The following CNOT3 variants were observed in gnomAD, a reference collection of about 807,000 sequenced individuals.
CNOT3 encodes the protein CCR4-NOT transcription complex subunit 3, also known as CCR4-associated factor 3.
A neutral mutation model predicts 89.4 loss-of-function variants in CNOT3; 2 were observed. That is an observed-to-expected ratio of 0.02 (90% CI 0.01 to 0.07). The LOEUF (loss-of-function observed/expected upper bound fraction) is 0.07. CNOT3 is among the 10% of genes least tolerant of loss of function. CNOT3 has a pLI of 1.00. For synonymous variants in CNOT3, 486 were observed against 402.0 expected, an observed-to-expected ratio of 1.21 and a Z score of -2.50; for missense variants, 664 against 1,010.2, an observed-to-expected ratio of 0.66 and a Z score of 4.65.
intron 13 of CNOT3, 43 bp downstream of exon 13, chr19:54,149,801 T>C: frequency 6.5e-7 from 1 of 1,531,478 alleles, no homozygotes; most frequent in East Asian, 2.5e-5. Context: ...GTCCTGACTC[T>C]GTTGTTTCTT....
intron 13 of CNOT3, 104 bp downstream of exon 13, chr19:54,149,862 C>CAT: frequency 8.5e-7 from 1 of 1,182,832 alleles, no homozygotes; most frequent in Non-Finnish European, 1.2e-6. Context: ...TTCTGGATCT[C>CAT]TCTCTGGCTT....
intron 13 of CNOT3, among the ~76,000 whole-genome samples, chr19:54,150,235 C>T (rs1010222975): frequency 8.1e-5 from 12 of 148,824 alleles, no homozygotes; most frequent in Non-Finnish European, 1.2e-4. Context: ...GGCATCTGAC[C>T]TGACCTGGGA....
At position 54,148,860 on chromosome 19, in the gene CNOT3, G is replaced by A; in HGVS notation, c.1406+117G>A. On this transcript the variant is annotated intron_variant, in intron 12 of 17. Coordinates refer to ENST00000221232, the MANE Select transcript of CNOT3 (RefSeq NM_014516.4). This position sits in a 1 kb window ranked among gnomAD's most constrained non-coding sequence, Gnocchi z 6.3. ...CCCCCCGCCCTTGCTGCTGGGAATG[G>A]CCAAGCGCTATCCTCCATCTCCCTC... 4.6e-6 allele frequency: 4 copies of A among 861,144 alleles called. No homozygotes were observed. Among genetic ancestry groups the A allele is most frequent in the East Asian group, 5.4e-5 (2 of 37,226 alleles). 53.3% of individuals were successfully genotyped at this position (861,144 alleles called of 1,614,324 possible).
In CNOT3 at chr19:54,146,450, C is replaced by T. The variant is rs587634369; in HGVS notation, c.838-151C>T. On this transcript the variant is annotated intron_variant, in intron 9 of 17. Coordinates refer to ENST00000221232, the MANE Select transcript of CNOT3 (RefSeq NM_014516.4). ...TGGAGAGCCTGAATTGAGATGGTTT[C>T]TCCAGGCAGATTAAGGACAGCCATT... 42 of 691,122 alleles carry T rather than the reference C, an allele frequency of 6.1e-5. No individual in the cohort carries two copies. In the African/African-American group the frequency reaches 6.2e-4, roughly 10 times the overall value. 42.8% of individuals were successfully genotyped at this position (691,122 alleles called of 1,614,324 possible).
chr19:54,142,724 A>G, intron 1 of CNOT3: 1 of 591,476 alleles, frequency 1.7e-6, no homozygotes, highest in Non-Finnish European at 3.0e-6. Flanking sequence ...TTGTTTCAAC[A>G]AACTTATGGG....
Position 54,144,706 on chromosome 19 carries a change from G to A in CNOT3, c.483+374G>A, listed in dbSNP as rs1483215761. Among the ~76,000 whole-genome samples, 2 of 152,222 alleles carry A rather than the reference G, an allele frequency of 1.3e-5. No homozygotes were observed. Among genetic ancestry groups the A allele is most frequent in the Admixed American group, 6.5e-5 (1 of 15,282 alleles). On this transcript the variant is annotated intron_variant, in intron 7 of 17. Coordinates refer to ENST00000221232, the MANE Select transcript of CNOT3 (RefSeq NM_014516.4). The surrounding 1 kb of genome is among the most constrained non-coding windows in gnomAD (Gnocchi z 4.8). Reference sequence around the variant, plus strand: ...ACCCAGAGGGCCCTGGTCCTAGGGAGAGCACAGTGGGTAGAGACAAGGCAG... The same window carrying A: ...ACCCAGAGGGCCCTGGTCCTAGGGAAAGCACAGTGGGTAGAGACAAGGCAG...
Position 54,148,820 on chromosome 19 carries a change from T to C in CNOT3, c.1406+77T>C. 2 of 1,457,976 alleles carry C rather than the reference T, an allele frequency of 1.4e-6. No homozygotes were observed. Among genetic ancestry groups the C allele is most frequent in the South Asian group, 2.6e-5 (2 of 77,214 alleles). 90.3% of individuals were successfully genotyped at this position (1,457,976 alleles called of 1,614,324 possible). Reference sequence around the variant, plus strand: ...GAGGCGCAGGCGCCTCACCCCCGCATCGGTGGGTTCTGAACCCCCCGCCCT... The same window carrying C: ...GAGGCGCAGGCGCCTCACCCCCGCACCGGTGGGTTCTGAACCCCCCGCCCT... On this transcript the variant is annotated intron_variant, in intron 12 of 17. Coordinates refer to ENST00000221232, the MANE Select transcript of CNOT3 (RefSeq NM_014516.4). The surrounding 1 kb of genome is among the most constrained non-coding windows in gnomAD (Gnocchi z 6.3).
rs1253806616 is a variant in CNOT3, at chr19:54,146,669, C to T, written c.894+12C>T. 3.4e-6 allele frequency: 5 copies of T among 1,477,386 alleles called. No homozygotes were observed. In the Admixed American group the frequency reaches 6.7e-5, roughly 20 times the overall value. 91.5% of individuals were successfully genotyped at this position (1,477,386 alleles called of 1,614,324 possible). On this transcript the variant is annotated intron_variant, in intron 10 of 17. Transcript: ENST00000221232. The stretch of plus-strand genomic sequence containing the variant: ...GTGAAGTCAGCCAGGTGGGTGTGAG[C>T]CTGGACCGGGTGGGCACGCCATTCA...
chr19:54,138,158 CG>C (rs1279313476), intron 1 of CNOT3, among the ~76,000 whole-genome samples, 165 bp downstream of exon 1: 1 of 151,830 alleles, frequency 6.6e-6, no homozygotes, highest in African/African-American at 2.4e-5. Flanking sequence ...GGGCTCCCGG[CG>C]GGGGGCGGCT....
chr19:54,153,881 G>A (rs758334345), intron 17 of CNOT3, 41 bp downstream of exon 17: 2 of 1,613,884 alleles, frequency 1.2e-6, no homozygotes, highest in Non-Finnish European at 1.7e-6. Flanking sequence ...CTAGGGTTGG[G>A]GTAGAGTCCC....
At chr19:54,155,215 A>G in intron 17 of CNOT3, 94 bp from the exon 18 acceptor site, 1 of 1,520,342 alleles carries the variant, frequency 6.6e-7, no homozygotes, top group Non-Finnish European at 8.9e-7. Context: ...TGACACATCC[A>G]CAGCCCTAAG....
At position 54,143,991 on chromosome 19, in the gene CNOT3, C is replaced by T. The variant is rs758473439; in HGVS notation, c.259-15C>T. 1.3e-6 allele frequency: 2 copies of T among 1,587,900 alleles called. No homozygotes were observed. Among genetic ancestry groups the T allele is most frequent in the East Asian group, 2.2e-5 (1 of 44,804 alleles). On this transcript the variant is annotated splice_polypyrimidine_tract_variant and intron_variant, in intron 5 of 17. Transcript: ENST00000221232. Reference sequence around the variant, plus strand: ...CCACCTTTGAGAGCCCCCCTGCCAACTGCACTCTCTACAGCAAATGGAACG... The same window carrying T: ...CCACCTTTGAGAGCCCCCCTGCCAATTGCACTCTCTACAGCAAATGGAACG...
In CNOT3 at chr19:54,152,888, C is replaced by A. The variant is rs749697529; in HGVS notation, c.1926C>A (p.Pro642=). 2.0e-6 allele frequency: 3 copies of A among 1,521,978 alleles called. No homozygotes were observed. The highest frequency in any genetic ancestry group is 2.3e-5 in the East Asian group (1 of 44,434). The allele number at this position is 1,521,978 out of a possible 1,614,324, so 94.3% of individuals were successfully genotyped here. ...ERIRQYLPRN[P]CPTPPYHHQM... ...ACAGGCAGTACCTCCCCCGGAACCC[C>A]TGTCCGACGCCCCCCTACCACCACC... The change falls in exon 16 of 18, where the codon CCC becomes CCA. Residue 642 remains proline, a synonymous_variant. Coordinates refer to ENST00000221232, the MANE Select transcript of CNOT3 (RefSeq NM_014516.4).
chr19:54,145,862 A>G lies in CNOT3; in HGVS notation c.703+45A>G, dbSNP rs770901969. The G allele has an allele frequency of 1.2e-5, 20 of 1,610,944 alleles. No homozygotes were observed. The highest frequency in any genetic ancestry group is 8.8e-5 in the South Asian group (8 of 90,920). ...CGTGGCACAGGAAGTGAGGGCCCAG[A>G]ATGGGCTGTGTGAGCCAGCTAAGCA... On this transcript the variant is annotated intron_variant, in intron 8 of 17. Coordinates refer to ENST00000221232, the MANE Select transcript of CNOT3 (RefSeq NM_014516.4). This position sits in a 1 kb window ranked among gnomAD's most constrained non-coding sequence, Gnocchi z 5.9.
rs2146683374 is a variant in CNOT3 at position 54,149,653 on chromosome 19, G to A, written c.1500G>A (p.Leu500=). The change falls in exon 13 of 18, where the codon CTG becomes CTA. Residue 500 remains leucine, a synonymous_variant. Transcript: ENST00000221232. ...GGGGACCCAGCCTCCTGGTGCCACT[G>A]CCTGTGAATCCTCCCAGCTCCCCAA... is the stretch of plus-strand genomic sequence containing the variant. ...NSGGPSLLVP[L]PVNPPSSPTP... 6.2e-7 allele frequency: 1 copy of A among 1,614,056 alleles called. No individual in the cohort carries two copies. Among genetic ancestry groups the A allele is most frequent in the Non-Finnish European group, 8.5e-7 (1 of 1,179,946 alleles).
chr19:54,155,108 C>G, intron 17 of CNOT3: 1 of 618,810 alleles, frequency 1.6e-6, no homozygotes, highest in Non-Finnish European at 2.7e-6. Context: ...CCCTCCGTTT[C>G]CTCCTCGCTG....
At chr19:54,153,995 C>T (rs2075285778) in intron 17 of CNOT3, 155 bp downstream of exon 17, 1 of 926,356 alleles carries the variant, frequency 1.1e-6, no homozygotes, top group Non-Finnish European at 1.8e-6. Flanking sequence ...GCTGTCTGCT[C>T]AGCCTGGAAC....
chr19:54,148,791 C>CA lies in CNOT3; in HGVS notation c.1406+49dup, dbSNP rs1568656787. 1 of 1,582,502 alleles carries CA rather than the reference C, an allele frequency of 6.3e-7. No individual in the cohort carries two copies. ...GGGTTGGGATGGCAGCCTTTTGAAACAGAGAGGCGCAGGCGCCTCACCCCC... is the reference window on the plus strand; with the variant it reads ...GGGTTGGGATGGCAGCCTTTTGAAACAAGAGAGGCGCAGGCGCCTCACCCCC... On this transcript the variant is annotated intron_variant, in intron 12 of 17. Transcript: ENST00000221232. This position sits in a 1 kb window ranked among gnomAD's most constrained non-coding sequence, Gnocchi z 6.3.
rs1354375748 is a variant in CNOT3 at position 54,148,363 on chromosome 19, C to A, written c.1110C>A (p.Pro370=). ...APSHNSGTPA[P]YAQAVAPPAP... ...GCCACAACTCGGGCACCCCTGCTCC[C>A]TATGCCCAGGCTGTGGCCCCACCAG... Residue 370 remains proline (P), a synonymous_variant, in exon 11 of 18, where the codon CCC becomes CCA. Coordinates refer to ENST00000221232, the MANE Select transcript of CNOT3 (RefSeq NM_014516.4). The surrounding 1 kb of genome is among the most constrained non-coding windows in gnomAD (Gnocchi z 6.3). 6.3e-7 allele frequency: 1 copy of A among 1,575,308 alleles called. No homozygotes were observed. Among genetic ancestry groups the A allele is most frequent in the African/African-American group, 1.3e-5 (1 of 74,092 alleles).
Sources: gnomAD v4.1 joint callset for allele counts (sites outside exome capture counted in the v4.1 genomes callset) on GRCh38, gnomAD v4.1.1 for gene constraint, Gnocchi (gnomAD v3.1) non-coding constraint, MANE v1.5 for transcripts, NCBI Gene and HGNC (gene_info 2026-07-23, HGNC 2026-07-21) for gene names.